OPN4: variants seen among roughly 807,000 people sequenced by gnomAD.
The protein encoded by OPN4 is melanopsin.
A neutral mutation model predicts 49.5 loss-of-function variants in OPN4; 43 were observed. The observed-to-expected ratio is 0.87, with a 90% CI of 0.68 to 1.12. The LOEUF is 1.12. Among genes scored for constraint, OPN4 ranks in the 50% most tolerant of loss-of-function variants. The probability of loss-of-function intolerance (pLI) is 0.00; values close to 1 mark genes in which losing one functional copy is unlikely to be tolerated. For synonymous variants in OPN4, 263 were observed against 258.0 expected (o/e 1.02, Z -0.19); for missense variants, 657 against 643.9 (o/e 1.02, Z -0.22).
At chr10:86,657,999 G>A in intron 2 of OPN4, 33 bp from the exon 3 acceptor site, 2 of 1,603,510 alleles carry the variant, frequency 1.2e-6, no homozygotes, top group Non-Finnish European at 1.7e-6. Context: ...GAGGTGTCAG[G>A]AAGCGCCTCC....
intron 2 of OPN4, chr10:86,657,311 G>C: frequency 1.3e-6 from 1 of 750,606 alleles, no homozygotes; most frequent in Non-Finnish European, 2.5e-6. Context: ...ATGAGTGGGA[G>C]CATCTTGTCT....
chr10:86,662,565 G>C, intron 8 of OPN4, 133 bp downstream of exon 8: 1 of 827,650 alleles, frequency 1.2e-6, no homozygotes. Context: ...CTGGCACCCT[G>C]GCAGGAAGAG....
rs1402237279 is a variant in OPN4 at position 86,659,915 on chromosome 10, C to A, written c.821C>A (p.Ala274Asp). The A allele has an allele frequency of 4.3e-6, 7 of 1,614,196 alleles. No individual in the cohort carries two copies. Among genetic ancestry groups the A allele is most frequent in the Non-Finnish European group, 5.9e-6 (7 of 1,180,028 alleles). ...CCTAGGGCTCTCCAGACCTTCGGGG[C>A]CTGCAAGGGCAATGGCGAGTCCCTG... ...ETGRALQTFG[A>D]CKGNGESLWQ... The change falls in exon 6 of 10, where the codon GCC (alanine) becomes GAC (aspartate). Residue 274 changes from alanine to aspartate, a missense_variant. Physicochemically the swap from Ala to Asp is moderately radical, Grantham distance 126. Transcript: ENST00000241891.
At position 86,659,861 on chromosome 10, in the gene OPN4, C is replaced by T; in HGVS notation, c.801-34C>T. On this transcript the variant is annotated intron_variant, in intron 5 of 9. Coordinates refer to ENST00000241891, the MANE Select transcript of OPN4 (RefSeq NM_033282.4). ...GACCCTGGTGCTGACTGCCACCCGACTAGGGTCAGACCTGGACGATGCGTC... is the reference window on the plus strand; with the variant it reads ...GACCCTGGTGCTGACTGCCACCCGATTAGGGTCAGACCTGGACGATGCGTC... 3 of 1,608,126 alleles carry T rather than the reference C, an allele frequency of 1.9e-6. 1 individual carries two copies.
Position 86,654,927 on chromosome 10 carries a change from A to G in OPN4, c.144A>G (p.Thr48=), listed in dbSNP as rs764823142. The change falls in exon 1 of 10, where the codon ACA becomes ACG. Residue 48 remains threonine (T), a splice_region_variant and synonymous_variant. Coordinates refer to ENST00000241891, the MANE Select transcript of OPN4 (RefSeq NM_033282.4). The part of the protein sequence containing the change: ...SLGRLPSISP[T]APGTWAAAWV... ...GCCGGCTTCCATCCATCAGTCCCACAGTAAGCCTGGGCGAGCATGTGCATG... is the reference window on the plus strand; with the variant it reads ...GCCGGCTTCCATCCATCAGTCCCACGGTAAGCCTGGGCGAGCATGTGCATG... 3 of 1,613,514 alleles carry G rather than the reference A, an allele frequency of 1.9e-6. No homozygotes were observed. Among genetic ancestry groups the G allele is most frequent in the Non-Finnish European group, 2.5e-6 (3 of 1,179,788 alleles).
At position 86,659,419 on chromosome 10, in the gene OPN4, A is replaced by C. The variant is rs757752411; in HGVS notation, c.751A>C (p.Ile251Leu). 6.2e-7 allele frequency: 1 copy of C among 1,613,930 alleles called. No homozygotes were observed. Among genetic ancestry groups the C allele is most frequent in the African/African-American group, 1.3e-5 (1 of 74,916 alleles). The change falls in exon 5 of 10, where the codon ATC becomes CTC. Residue 251 changes from isoleucine to leucine, a missense_variant. Ile to Leu is a conservative substitution (Grantham distance 5). Coordinates refer to ENST00000241891, the MANE Select transcript of OPN4 (RefSeq NM_033282.4). ...CGTGTTCTTCCTCCCTCTGCTTATC[A>C]TCATCTACTGCTACATCTTCATCTT... The part of the protein sequence containing the change: ...CFVFFLPLLI[I>L]IYCYIFIFRA...
rs750326047 is a variant in OPN4 at position 86,658,499 on chromosome 10, C to A, written c.440C>A (p.Ala147Asp). Reference protein sequence around the residue: ...LFGETGCEFYAFCGALFGISS... With the variant: ...LFGETGCEFYDFCGALFGISS... ...GTGCCCACAGGCTGCGAGTTCTATG[C>A]CTTCTGTGGAGCTCTCTTTGGCATT... is the stretch of plus-strand genomic sequence containing the variant. The change falls in exon 4 of 10, where the codon GCC (alanine) becomes GAC (aspartate). Residue 147 changes from alanine to aspartate, a missense_variant. Physicochemically the swap from Ala to Asp is moderately radical, Grantham distance 126. Coordinates refer to ENST00000241891, the MANE Select transcript of OPN4 (RefSeq NM_033282.4). 5 of 1,614,180 alleles carry A rather than the reference C, an allele frequency of 3.1e-6. No individual in the cohort carries two copies. Among genetic ancestry groups the A allele is most frequent in the Admixed American group, 1.7e-5 (1 of 60,032 alleles).
At position 86,658,457 on chromosome 10, in the gene OPN4, G is replaced by A. The variant is rs377080337; in HGVS notation, c.425-27G>A. On this transcript the variant is annotated intron_variant, in intron 3 of 9. Coordinates refer to ENST00000241891, the MANE Select transcript of OPN4 (RefSeq NM_033282.4). ...CCTGTCCCCAGACCCTCCTCCCCAG[G>A]ACTCAGAGCAGGGGCTGTGCCCACA... 7.8e-4 allele frequency: 1,252 copies of A among 1,610,390 alleles called. 1 individual carries two copies. The highest frequency in any genetic ancestry group is 9.3e-4 in the Non-Finnish European group (1,092 of 1,176,982).
chr10:86,659,920 A>G lies in OPN4; in HGVS notation c.826A>G (p.Lys276Glu). Residue 276 changes from lysine to glutamate, a missense_variant, in exon 6 of 10, where the codon AAG (lysine) becomes GAG (glutamate). Coordinates refer to ENST00000241891, the MANE Select transcript of OPN4 (RefSeq NM_033282.4). ...GGCTCTCCAGACCTTCGGGGCCTGCAAGGGCAATGGCGAGTCCCTGTGGCA... is the reference window on the plus strand; with the variant it reads ...GGCTCTCCAGACCTTCGGGGCCTGCGAGGGCAATGGCGAGTCCCTGTGGCA... ...GRALQTFGAC[K>E]GNGESLWQRQ... 6.2e-7 allele frequency: 1 copy of G among 1,614,178 alleles called. No homozygotes were observed. The highest frequency in any genetic ancestry group is 1.1e-5 in the South Asian group (1 of 91,086).
At chr10:86,664,534 C>T (rs975567444) in intron 9 of OPN4, among the ~76,000 whole-genome samples, 14 of 152,188 alleles carry the variant, frequency 9.2e-5, no homozygotes, top group African/African-American at 2.9e-4. Context: ...GCCCTTCGCC[C>T]CAGCTGACAG....
intron 3 of OPN4, 77 bp downstream of exon 3, chr10:86,658,242 C>T: frequency 6.4e-7 from 1 of 1,563,692 alleles, no homozygotes; most frequent in Non-Finnish European, 8.7e-7. Flanking sequence ...GAGGGTGGCC[C>T]AAAGGAGGTG....
At chr10:86,657,996 C>T in intron 2 of OPN4, 36 bp from the exon 3 acceptor site, 1 of 1,601,488 alleles carries the variant, frequency 6.2e-7, no homozygotes. Context: ...CTGGAGGTGT[C>T]AGGAAGCGCC....
chr10:86,665,752 G>T lies in OPN4; in HGVS notation c.*1G>T. The stretch of plus-strand genomic sequence containing the variant: ...CCCCAGCCAGGACCCCAGGATGTAG[G>T]ACGCCCACTGGCTCTCCCTTTCTTC... On this transcript the variant is annotated 3_prime_UTR_variant, in exon 10 of 10. Coordinates refer to ENST00000241891, the MANE Select transcript of OPN4 (RefSeq NM_033282.4). 1.2e-6 allele frequency: 2 copies of T among 1,612,486 alleles called. No individual in the cohort carries two copies. The highest frequency in any genetic ancestry group is 1.7e-6 in the Non-Finnish European group (2 of 1,178,664).
rs767208026 is a variant in OPN4 at position 86,661,336 on chromosome 10, G to T, written c.1021G>T (p.Ala341Ser). 4 of 1,613,922 alleles carry T rather than the reference G, an allele frequency of 2.5e-6. No individual in the cohort carries two copies. The highest frequency in any genetic ancestry group is 2.2e-5 in the East Asian group (1 of 44,888). ...CTCGGTGCCAGCCGTCATCGCCAAG[G>T]CCTCTGCAATCCACAACCCCATCAT... ...MSSVPAVIAKASAIHNPIIYA... is the reference protein window; with the variant it reads ...MSSVPAVIAKSSAIHNPIIYA... Residue 341 changes from alanine (A) to serine (S), a missense_variant, in exon 7 of 10, where the codon GCC becomes TCC. Ala to Ser is a moderately conservative substitution (Grantham distance 99). Coordinates refer to ENST00000241891, the MANE Select transcript of OPN4 (RefSeq NM_033282.4).
intron 1 of OPN4, 130 bp downstream of exon 1, chr10:86,655,057 T>G: frequency 1.1e-6 from 1 of 931,068 alleles, no homozygotes; most frequent in Non-Finnish European, 1.6e-6. Context: ...CCTTGAGCCA[T>G]TACTGGACCT....
chr10:86,658,373 G>A, intron 3 of OPN4, 111 bp from the exon 4 acceptor site: 1 of 1,290,780 alleles, frequency 7.7e-7, no homozygotes, highest in Admixed American at 2.0e-5. Flanking sequence ...GCAGGTGGAG[G>A]GGGTGGAGTG....
chr10:86,657,920 A>C, intron 2 of OPN4, 112 bp from the exon 3 acceptor site: 1 of 1,140,408 alleles, frequency 8.8e-7, no homozygotes, highest in Non-Finnish European at 1.2e-6. Context: ...GTGTGTGTGC[A>C]TGTGTAAGTG....
chr10:86,659,478 G>T lies in OPN4; in HGVS notation c.800+10G>T, dbSNP rs768842006. On this transcript the variant is annotated intron_variant, in intron 5 of 9. Transcript: ENST00000241891. ...TCCGGGAGACAGGACGGTAAGAGCC[G>T]AGCATGGAGGGGGGCTACAGGAGGG... The T allele has an allele frequency of 5.6e-6, 9 of 1,612,718 alleles. No homozygotes were observed. The South Asian group carries it at 8.8e-5, about 16-fold the overall frequency.
chr10:86,657,236 A>G lies in OPN4; in HGVS notation c.291-796A>G, dbSNP rs138304711. ...GTCACTGTGATGATGCAGTAAGTTCACGGATGTGCGTTGCCCCACAGATGA... is the reference window on the plus strand; with the variant it reads ...GTCACTGTGATGATGCAGTAAGTTCGCGGATGTGCGTTGCCCCACAGATGA... On this transcript the variant is annotated intron_variant, in intron 2 of 9. Coordinates refer to ENST00000241891, the MANE Select transcript of OPN4 (RefSeq NM_033282.4). 4.3e-4 allele frequency: 339 copies of G among 780,636 alleles called. 1 individual carries two copies. The East Asian group carries it at 8.1e-3, about 19-fold the overall frequency. The allele number at this position is 780,636 out of a possible 1,614,324, so 48.4% of individuals were successfully genotyped here.
Sources: allele counts gnomAD v4.1 joint callset (sites outside exome capture counted in the v4.1 genomes callset), GRCh38; gene constraint gnomAD v4.1.1; transcripts MANE v1.5; gene names NCBI Gene and HGNC (gene_info 2026-07-23, HGNC 2026-07-21).